Variants in INSYN2A observed in about 807,000 individuals in gnomAD.
INSYN2A encodes the protein inhibitory synaptic factor 2A, also known as family with sequence similarity 196 member A.
INSYN2A carries 17 observed loss-of-function variants against 39.4 expected under a neutral mutation model. The observed-to-expected ratio is 0.43, with a 90% confidence interval of 0.30 to 0.65. The LOEUF (loss-of-function observed/expected upper bound fraction) is 0.65, where lower values mean the gene tolerates loss of function less well. Among genes scored for constraint, INSYN2A ranks in the 30% least tolerant of loss-of-function variants. INSYN2A has a pLI of 0.14. For missense variants in INSYN2A, 595 were observed against 631.2 expected, an observed-to-expected ratio of 0.94 and a Z score of 0.61; for synonymous variants, 255 against 265.7, an observed-to-expected ratio of 0.96 and a Z score of 0.39.
At chr10:127,158,130 T>C (rs1823700861) in intron 4 of INSYN2A, among the ~76,000 whole-genome samples, 1 of 152,202 alleles carries the variant, frequency 6.6e-6, no homozygotes, top group Non-Finnish European at 1.5e-5. Context: ...GTTCTCCAAA[T>C]AGAGATGAAA....
intron 5 of INSYN2A, among the ~76,000 whole-genome samples, chr10:127,141,728 G>T (rs1266046605): frequency 6.6e-6 from 1 of 151,748 alleles, no homozygotes; most frequent in East Asian, 1.9e-4. Context: ...AGTTGCCCTG[G>T]ACTGCTTTGT....
intron 4 of INSYN2A, among the ~76,000 whole-genome samples, chr10:127,159,898 G>T (rs1017377046): frequency 6.6e-6 from 1 of 152,144 alleles, no homozygotes; most frequent in Non-Finnish European, 1.5e-5. Flanking sequence ...CGGGAGGGCT[G>T]GACGGCATCT....
intron 2 of INSYN2A, among the ~76,000 whole-genome samples, chr10:127,178,503 A>G (rs2055397300): frequency 6.6e-6 from 1 of 152,188 alleles, no homozygotes; most frequent in South Asian, 2.1e-4. Flanking sequence ...CCATTACCAG[A>G]TGAGCCTGGG....
intron 5 of INSYN2A, 30 bp from the exon 6 acceptor site, chr10:127,138,050 C>A: frequency 1.3e-6 from 2 of 1,566,718 alleles, no homozygotes; most frequent in South Asian, 1.2e-5. Flanking sequence ...AAGACTTTAG[C>A]ATTTGATCTT....
At chr10:127,138,533 A>C (rs572597188) in intron 5 of INSYN2A, among the ~76,000 whole-genome samples, 1 of 152,318 alleles carries the variant, frequency 6.6e-6, no homozygotes, top group South Asian at 2.1e-4. Flanking sequence ...TTCTCCTTGT[A>C]AAAGCTTATC....
Position 127,140,170 on chromosome 10 carries a change from C to T in INSYN2A, c.1257-2150G>A, listed in dbSNP as rs11016430. ...TAGGCTAACAGTACAATTTCGGCTACCTGTAATTATTGAATTCCCATTAAG... is the reference window on the plus strand; with the variant it reads ...TAGGCTAACAGTACAATTTCGGCTATCTGTAATTATTGAATTCCCATTAAG... On this transcript the variant is annotated intron_variant, in intron 5 of 5. Coordinates refer to ENST00000522781, the MANE Select transcript of INSYN2A (RefSeq NM_001039762.3). Among the ~76,000 whole-genome samples, 1,001 of 152,274 alleles carry T rather than the reference C, an allele frequency of 6.6e-3. 4 individuals carry two copies. Among genetic ancestry groups the T allele is most frequent in the Admixed American group, 0.012 (177 of 15,296 alleles).
At chr10:127,174,701 G>GT (rs968887171) in intron 4 of INSYN2A, among the ~76,000 whole-genome samples, 3 of 152,144 alleles carry the variant, frequency 2.0e-5, no homozygotes, top group African/African-American at 7.2e-5. Context: ...TGTCTATGAT[G>GT]TAAAGCCTTG....
chr10:127,193,233 T>C (rs1168627819), intron 1 of INSYN2A, among the ~76,000 whole-genome samples: 1 of 152,178 alleles, frequency 6.6e-6, no homozygotes, highest in African/African-American at 2.4e-5. Flanking sequence ...TATGAAAGAC[T>C]GTTGAAAATG....
intron 4 of INSYN2A, among the ~76,000 whole-genome samples, chr10:127,167,702 C>A (rs1725054405): frequency 6.6e-6 from 1 of 152,110 alleles, no homozygotes; most frequent in Admixed American, 6.5e-5. Flanking sequence ...ATCCAGGTCT[C>A]CTGACGCTAC....
chr10:127,194,312 CATGGATAGTAAAT>C lies in INSYN2A; in HGVS notation c.-394-1595_-394-1583del, dbSNP rs2056949260. Among the ~76,000 whole-genome samples, 2 of 152,290 alleles carry C rather than the reference CATGGATAGTAAAT, an allele frequency of 1.3e-5. 1 individual carries two copies. The highest frequency in any genetic ancestry group is 4.8e-5 in the African/African-American group (2 of 41,560). ...AGTGCCATCTAATGTAAGTAGTAAA[CATGGATAGTAAAT>C]GATTAATATCTGGTGAGGCATGCAG... On this transcript the variant is annotated intron_variant, in intron 1 of 5. Coordinates refer to ENST00000522781, the MANE Select transcript of INSYN2A (RefSeq NM_001039762.3).
chr10:127,149,076 TTCA>T (rs2052208828), intron 5 of INSYN2A, among the ~76,000 whole-genome samples: 1 of 152,194 alleles, frequency 6.6e-6, no homozygotes, highest in East Asian at 1.9e-4. Flanking sequence ...AGAGGTGTTT[TTCA>T]GCTGAGGAAT....
intron 2 of INSYN2A, among the ~76,000 whole-genome samples, chr10:127,178,964 T>C (rs1297352824): frequency 6.6e-6 from 1 of 152,220 alleles, no homozygotes; most frequent in African/African-American, 2.4e-5. Flanking sequence ...TGATCTCCTA[T>C]TCATTCTTTA....
intron 2 of INSYN2A, among the ~76,000 whole-genome samples, chr10:127,177,376 C>T (rs1352134697): frequency 1.3e-5 from 2 of 152,168 alleles, no homozygotes; most frequent in Non-Finnish European, 2.9e-5. Flanking sequence ...GGGTAAAATG[C>T]CTTCACTTTA....
In INSYN2A at chr10:127,157,648, A is replaced by G. The variant is rs563186233; in HGVS notation, c.1185-3725T>C. On this transcript the variant is annotated intron_variant, in intron 4 of 5. Coordinates refer to ENST00000522781, the MANE Select transcript of INSYN2A (RefSeq NM_001039762.3). The stretch of plus-strand genomic sequence containing the variant: ...GAGTCATTGTGTTTTCTTTGGAGAC[A>G]TATCTGTGGTCATTCTTTTTTTAGC... 1.3e-5 allele frequency among the ~76,000 whole-genome samples: 2 copies of G among 152,328 alleles called. 1 individual carries two copies. Among genetic ancestry groups the G allele is most frequent in the African/African-American group, 4.8e-5 (2 of 41,586 alleles).
intron 2 of INSYN2A, among the ~76,000 whole-genome samples, chr10:127,190,682 C>CCG (rs1564887965): frequency 6.9e-5 from 3 of 43,734 alleles, no homozygotes; most frequent in Non-Finnish European, 9.9e-5. Context: ...CCCCCCCCCC[C>CCG]CGTTCCTGCT....
In INSYN2A at chr10:127,176,230, G is replaced by A. The variant is rs1486185769; in HGVS notation, c.166C>T (p.Gln56Ter). The A allele has an allele frequency of 1.2e-6, 2 of 1,614,126 alleles. No homozygotes were observed. The highest frequency in any genetic ancestry group is 1.7e-6 in the Non-Finnish European group (2 of 1,180,024). ...AGCTGTGTGTCCCTCTGCTCATTCTGTGCCTCGCAGATATCCTTAAACCGC... is the reference window on the plus strand; with the variant it reads ...AGCTGTGTGTCCCTCTGCTCATTCTATGCCTCGCAGATATCCTTAAACCGC... ...QVRFKDICEA[Q>*]NEQRDTQLSS... Residue 56 changes from glutamine to a stop codon, truncating the protein, a stop_gained, in exon 4 of 6, where the codon CAG becomes TAG. Coordinates refer to ENST00000522781, the MANE Select transcript of INSYN2A (RefSeq NM_001039762.3). LOFTEE classifies it high-confidence loss of function. The surrounding 1 kb of genome is among the most constrained non-coding windows in gnomAD (Gnocchi z 4.4).
At position 127,153,835 on chromosome 10, in the gene INSYN2A, G is replaced by C; in HGVS notation, c.1256+17C>G. ...CACTCATAATAAGAAAGTGGGAAGA[G>C]GAGAATGTTAACATACCTATAGATA... On this transcript the variant is annotated intron_variant, in intron 5 of 5. Coordinates refer to ENST00000522781, the MANE Select transcript of INSYN2A (RefSeq NM_001039762.3). 1.3e-6 allele frequency: 2 copies of C among 1,582,986 alleles called. No homozygotes were observed. Among genetic ancestry groups the C allele is most frequent in the Non-Finnish European group, 1.7e-6 (2 of 1,151,924 alleles).
chr10:127,137,681 C>G lies in INSYN2A; in HGVS notation c.*156G>C. On this transcript the variant is annotated 3_prime_UTR_variant, in exon 6 of 6. Transcript: ENST00000522781. ...AGAATACCTTGCTTCTGTTAATTATCTATTGGTACAAAGGCCTTTTTGGTA... is the reference window on the plus strand; with the variant it reads ...AGAATACCTTGCTTCTGTTAATTATGTATTGGTACAAAGGCCTTTTTGGTA... 2 of 594,362 alleles carry G rather than the reference C, an allele frequency of 3.4e-6. No individual in the cohort carries two copies. Among genetic ancestry groups the G allele is most frequent in the Admixed American group, 3.3e-5 (1 of 30,520 alleles). 36.8% of individuals were successfully genotyped at this position (594,362 alleles called of 1,614,324 possible). A position where few individuals can be genotyped will look rare whatever the true frequency, so the allele number is the denominator to read the frequency against.
At chr10:127,159,602 G>A (rs2053407992) in intron 4 of INSYN2A, among the ~76,000 whole-genome samples, 1 of 152,070 alleles carries the variant, frequency 6.6e-6, no homozygotes, top group Non-Finnish European at 1.5e-5. Flanking sequence ...TGGACCAATA[G>A]CAAAAGAGGG....
Sources: allele counts gnomAD v4.1 joint callset (sites outside exome capture counted in the v4.1 genomes callset), GRCh38; gene constraint gnomAD v4.1.1; non-coding constraint Gnocchi (gnomAD v3.1); transcripts MANE v1.5; gene names NCBI Gene and HGNC (gene_info 2026-07-23, HGNC 2026-07-21).